CHD3: variants seen among roughly 807,000 people sequenced by gnomAD.
The protein encoded by CHD3 is ATP-dependent chromatin remodeler CHD3.
In CHD3, 52 loss-of-function variants were observed where a neutral mutation model predicts 248.9. The observed-to-expected ratio is 0.21, with a 90% CI of 0.17 to 0.26. The LOEUF (loss-of-function observed/expected upper bound fraction) is 0.26, where lower values mean the gene tolerates loss of function less well. Among genes scored for constraint, CHD3 ranks in the 10% least tolerant of loss-of-function variants. The pLI is 1.00. For synonymous variants in CHD3, 985 were observed against 985.2 expected (o/e 1.00, Z 0.00); for missense variants, 1,482 against 2,605.8 (o/e 0.57, Z 9.39).
At position 7,903,105 on chromosome 17, in the gene CHD3, G is replaced by A; in HGVS notation, c.3495+44G>A. The A allele has an allele frequency of 6.3e-7, 1 of 1,599,350 alleles. No individual in the cohort carries two copies. Among genetic ancestry groups the A allele is most frequent in the Non-Finnish European group, 8.6e-7 (1 of 1,169,292 alleles). ...GAACCCCTGCACCATTTAGCAAGGA[G>A]ATGTGGGTTCATGGAGGAGGGTGTC... On this transcript the variant is annotated intron_variant, in intron 22 of 39. Coordinates refer to ENST00000330494, the MANE Select transcript of CHD3 (RefSeq NM_001005273.3). The surrounding 1 kb of genome is among the most constrained non-coding windows in gnomAD (Gnocchi z 6.8).
Position 7,901,008 on chromosome 17 carries a change from C to A in CHD3, c.3120+15C>A. ...TGGCTGCTATGGTAGATACACAGAG[C>A]AGGGAGCTGATCGAACGCCCATTCT... is the stretch of plus-strand genomic sequence containing the variant. On this transcript the variant is annotated intron_variant, in intron 19 of 39. Transcript: ENST00000330494. The A allele has an allele frequency of 6.2e-7, 1 of 1,609,852 alleles. No homozygotes were observed. The highest frequency in any genetic ancestry group is 8.5e-7 in the Non-Finnish European group (1 of 1,177,168).
At position 7,907,081 on chromosome 17, in the gene CHD3, A is replaced by T; in HGVS notation, c.4667-45A>T. The T allele has an allele frequency of 1.9e-6, 3 of 1,613,922 alleles. No individual in the cohort carries two copies. Among genetic ancestry groups the T allele is most frequent in the South Asian group, 1.1e-5 (1 of 91,088 alleles). On this transcript the variant is annotated intron_variant, in intron 30 of 39. Coordinates refer to ENST00000330494, the MANE Select transcript of CHD3 (RefSeq NM_001005273.3). This position sits in a 1 kb window ranked among gnomAD's most constrained non-coding sequence, Gnocchi z 4.3. The stretch of plus-strand genomic sequence containing the variant: ...AGAGACAGAAAGGGAGCCAGGAGTC[A>T]GGGCGGGAGAATCTCTGTCTTTATC...
Position 7,909,077 on chromosome 17 carries a change from GC to G in CHD3, c.5395-59del, listed in dbSNP as rs912630235. Reference sequence around the variant, plus strand: ...GCAGGGTGGGTCTCTTGCTATGTCCGCCCCCCCAGCCCCTCACCCACTGCTG... The same window carrying G: ...GCAGGGTGGGTCTCTTGCTATGTCCGCCCCCCAGCCCCTCACCCACTGCTG... On this transcript the variant is annotated intron_variant, in intron 36 of 39. Transcript: ENST00000330494. The surrounding 1 kb of genome is among the most constrained non-coding windows in gnomAD (Gnocchi z 8.1). 1.4e-5 allele frequency: 22 copies of G among 1,539,442 alleles called. No individual in the cohort carries two copies. The highest frequency in any genetic ancestry group is 1.8e-5 in the Non-Finnish European group (20 of 1,139,904).
At position 7,906,993 on chromosome 17, in the gene CHD3, A is replaced by T; in HGVS notation, c.4628A>T (p.Glu1543Val). Residue 1543 changes from glutamate to valine, a missense_variant, in exon 30 of 40, where the codon GAG becomes GTG. Glu to Val is a moderately radical substitution (Grantham distance 121, BLOSUM62 -2). This residue lies in a region of CHD3 where 254 missense variants were observed against 266.7 expected (regional missense o/e 0.95). Transcript: ENST00000330494. This position sits in a 1 kb window ranked among gnomAD's most constrained non-coding sequence, Gnocchi z 5.0. ...SPTKTSPTTP[E>V]ASATNSPCTS... ...ACCAAAACGTCTCCCACCACTCCTG[A>T]GGCTTCTGCTACCAACAGTCCCTGC... is the stretch of plus-strand genomic sequence containing the variant. The T allele has an allele frequency of 1.2e-6, 2 of 1,614,132 alleles. No homozygotes were observed. The highest frequency in any genetic ancestry group is 2.2e-5 in the South Asian group (2 of 91,078).
chr17:7,910,910 G>A lies in CHD3; in HGVS notation c.5818G>A (p.Val1940Ile), dbSNP rs776712947. ...GYGAAFSAAPVGALAAAGANY... is the reference protein window; with the variant it reads ...GYGAAFSAAPIGALAAAGANY... ...CGGGGCGGCCTTCAGCGCCGCACCC[G>A]TAGGGGCCCTGGCCGCCGCAGGCGC... Residue 1940 changes from valine (V) to isoleucine (I), a missense_variant, in exon 39 of 40, where the codon GTA (valine) becomes ATA (isoleucine). By Grantham distance (29) the Val-to-Ile change is conservative. Coordinates refer to ENST00000330494, the MANE Select transcript of CHD3 (RefSeq NM_001005273.3). This position sits in a 1 kb window ranked among gnomAD's most constrained non-coding sequence, Gnocchi z 4.7. 36 of 1,613,530 alleles carry A rather than the reference G, an allele frequency of 2.2e-5. No homozygotes were observed. In the East Asian group the frequency reaches 5.1e-4, roughly 23 times the overall value.
At position 7,894,275 on chromosome 17, in the gene CHD3, G is replaced by A; in HGVS notation, c.1075+10G>A. 1 of 1,612,824 alleles carries A rather than the reference G, an allele frequency of 6.2e-7. No homozygotes were observed. Among genetic ancestry groups the A allele is most frequent in the Non-Finnish European group, 8.5e-7 (1 of 1,179,314 alleles). On this transcript the variant is annotated intron_variant, in intron 7 of 39. Coordinates refer to ENST00000330494, the MANE Select transcript of CHD3 (RefSeq NM_001005273.3). ...AGGAAGAAGAAGAAGGGTAAGGAGT[G>A]TTGACTGTGTGTGATCCTGTCAGTG...
rs551335813 is a variant in CHD3 at position 7,895,222 on chromosome 17, G to A, written c.1503+72G>A. 10 of 1,584,960 alleles carry A rather than the reference G, an allele frequency of 6.3e-6. No individual in the cohort carries two copies. The East Asian group carries it at 9.0e-5, about 14-fold the overall frequency. On this transcript the variant is annotated intron_variant, in intron 9 of 39. Coordinates refer to ENST00000330494, the MANE Select transcript of CHD3 (RefSeq NM_001005273.3). The surrounding 1 kb of genome is among the most constrained non-coding windows in gnomAD (Gnocchi z 4.9). ...CTTCCCCCATCCCTGGGGCCCACAT[G>A]TCCAGCTTTTCATTTCTCTGCACTC...
At chr17:7,896,797 T>TA (rs1969731824) in intron 10 of CHD3, among the ~76,000 whole-genome samples, 1 of 152,144 alleles carries the variant, frequency 6.6e-6, no homozygotes, top group South Asian at 2.1e-4. Context: ...TATCTGGGAT[T>TA]ACAGGCGTGC....
chr17:7,894,800 G>C, intron 8 of CHD3, 117 bp from the exon 9 acceptor site: 1 of 1,497,804 alleles, frequency 6.7e-7, no homozygotes, highest in Non-Finnish European at 9.0e-7. Flanking sequence ...CTTTTCCTTA[G>C]TTCCCACCAG....
Position 7,903,034 on chromosome 17 carries a change from T to A in CHD3, c.3468T>A (p.Ser1156=), listed in dbSNP as rs1235658460. The A allele has an allele frequency of 1.2e-6, 2 of 1,614,012 alleles. No individual in the cohort carries two copies. Among genetic ancestry groups the A allele is most frequent in the African/African-American group, 2.7e-5 (2 of 74,918 alleles). Residue 1156 remains serine (S), a synonymous_variant, in exon 22 of 40, where the codon TCT becomes TCA. Coordinates refer to ENST00000330494, the MANE Select transcript of CHD3 (RefSeq NM_001005273.3). The surrounding 1 kb of genome is among the most constrained non-coding windows in gnomAD (Gnocchi z 6.8). Reference sequence around the variant, plus strand: ...CTGACACTGTCATCATCTTTGATTCTGACTGGAACCCCCATAATGACATCC... The same window carrying A: ...CTGACACTGTCATCATCTTTGATTCAGACTGGAACCCCCATAATGACATCC... ...ATADTVIIFD[S]DWNPHNDIQA...
chr17:7,890,653 C>A lies in CHD3; in HGVS notation c.296C>A (p.Pro99Gln), dbSNP rs765578621. The A allele has an allele frequency of 6.2e-7, 1 of 1,603,842 alleles. No homozygotes were observed. Among genetic ancestry groups the A allele is most frequent in the African/African-American group, 1.4e-5 (1 of 72,118 alleles). ...GGGGGCAGTGAATATGGAACCGGAC[C>A]GGGTCGGAAACGAAGAAGGAAGCAC... ...ESGGSEYGTG[P>Q]GRKRRRKHRE... The change falls in exon 3 of 40, where the codon CCG (proline) becomes CAG (glutamine). Residue 99 changes from proline to glutamine, a missense_variant. Physicochemically the swap from Pro to Gln is moderately conservative, Grantham distance 76. Around this residue, in one of 20 missense-constraint regions of CHD3, gnomAD observed 169 missense variants for 168.1 expected, o/e 1.01. Coordinates refer to ENST00000330494, the MANE Select transcript of CHD3 (RefSeq NM_001005273.3).
chr17:7,903,124 G>A lies in CHD3; in HGVS notation c.3495+63G>A, dbSNP rs900894095. ...CAAGGAGATGTGGGTTCATGGAGGA[G>A]GGTGTCATGTTCCGGGGTCAGAAAT... On this transcript the variant is annotated intron_variant, in intron 22 of 39. Coordinates refer to ENST00000330494, the MANE Select transcript of CHD3 (RefSeq NM_001005273.3). The surrounding 1 kb of genome is among the most constrained non-coding windows in gnomAD (Gnocchi z 6.8). 1.1e-5 allele frequency: 17 copies of A among 1,590,220 alleles called. No individual in the cohort carries two copies. In the African/African-American group the frequency reaches 1.1e-4, roughly 10 times the overall value.
chr17:7,905,933 C>T lies in CHD3; in HGVS notation c.4302C>T (p.Ala1434=), dbSNP rs549772047. 8.1e-6 allele frequency: 13 copies of T among 1,614,058 alleles called. No homozygotes were observed. The South Asian group carries it at 1.3e-4, about 16-fold the overall frequency. The change falls in exon 28 of 40, where the codon GCC becomes GCT. Residue 1434 remains alanine (A), a synonymous_variant. Coordinates refer to ENST00000330494, the MANE Select transcript of CHD3 (RefSeq NM_001005273.3). This position sits in a 1 kb window ranked among gnomAD's most constrained non-coding sequence, Gnocchi z 5.8. ...VMRWGMPPQD[A]FTTQWLVRDL... ...GCTGGGGGATGCCACCACAGGATGCCTTCACCACACAGTGGCTGGTGCGGG... is the reference window on the plus strand; with the variant it reads ...GCTGGGGGATGCCACCACAGGATGCTTTCACCACACAGTGGCTGGTGCGGG...
chr17:7,894,709 T>G, intron 8 of CHD3, 101 bp downstream of exon 8: 1 of 1,375,076 alleles, frequency 7.3e-7, no homozygotes, highest in South Asian at 1.3e-5. Context: ...TGGCTGGACT[T>G]CTTAGTAACA....
In CHD3 at chr17:7,906,228, G is replaced by A; in HGVS notation, c.4358+239G>A. 3 of 769,304 alleles carry A rather than the reference G, an allele frequency of 3.9e-6. No homozygotes were observed. The highest frequency in any genetic ancestry group is 1.7e-5 in the Admixed American group (1 of 58,106). The allele number at this position is 769,304 out of a possible 1,614,324, so 47.7% of individuals were successfully genotyped here. A position where few individuals can be genotyped will look rare whatever the true frequency, so the allele number is the denominator to read the frequency against. ...CCCAGGGGAGGGGCGTTGAAGCAAG[G>A]AGCCTCTCCTGGGCTGTCCTAGCCT... On this transcript the variant is annotated intron_variant, in intron 28 of 39. Transcript: ENST00000330494. The surrounding 1 kb of genome is among the most constrained non-coding windows in gnomAD (Gnocchi z 5.0).
Position 7,893,832 on chromosome 17 carries a change from G to A in CHD3, c.821G>A (p.Ser274Asn), listed in dbSNP as rs754814641. Residue 274 changes from serine to asparagine, a missense_variant, in exon 6 of 40, where the codon AGC becomes AAC. Ser to Asn is a conservative substitution (Grantham distance 46, BLOSUM62 1). Coordinates refer to ENST00000330494, the MANE Select transcript of CHD3 (RefSeq NM_001005273.3). ...CCAGGCCATAAGAGGCGGAGTAAGAGCCCCCGAGTGCCTGATGGACGCAAG... is the reference window on the plus strand; with the variant it reads ...CCAGGCCATAAGAGGCGGAGTAAGAACCCCCGAGTGCCTGATGGACGCAAG... ...KGPGHKRRSKSPRVPDGRKKL... is the reference protein window; with the variant it reads ...KGPGHKRRSKNPRVPDGRKKL... 5 of 1,613,992 alleles carry A rather than the reference G, an allele frequency of 3.1e-6. No homozygotes were observed. The Admixed American group carries it at 5.0e-5, about 16-fold the overall frequency.
chr17:7,909,578 GC>G lies in CHD3; in HGVS notation c.5590+244del, dbSNP rs1299175584. 5.2e-6 allele frequency: 3 copies of G among 578,264 alleles called. No individual in the cohort carries two copies. The highest frequency in any genetic ancestry group is 3.4e-5 in the Admixed American group (1 of 29,844). The allele number at this position is 578,264 out of a possible 1,614,324, so 35.8% of individuals were successfully genotyped here. On this transcript the variant is annotated intron_variant, in intron 37 of 39. Coordinates refer to ENST00000330494, the MANE Select transcript of CHD3 (RefSeq NM_001005273.3). The surrounding 1 kb of genome is among the most constrained non-coding windows in gnomAD (Gnocchi z 8.1). ...ACATCCGTGCCCAATAGAGGGACCTGCCCCAGCCTCTGTGTCCCCTCCACAC... is the reference window on the plus strand; with the variant it reads ...ACATCCGTGCCCAATAGAGGGACCTGCCCAGCCTCTGTGTCCCCTCCACAC...
chr17:7,906,760 C>T lies in CHD3; in HGVS notation c.4503+63C>T, dbSNP rs920412765. ...TGCCTAGTCTCTGTCCTTCCTCTGC[C>T]TCTGTCCCTGAGTTGTAAGCTTGCG... is the stretch of plus-strand genomic sequence containing the variant. On this transcript the variant is annotated intron_variant, in intron 29 of 39. Transcript: ENST00000330494. This position sits in a 1 kb window ranked among gnomAD's most constrained non-coding sequence, Gnocchi z 5.0. The T allele has an allele frequency of 8.2e-6, 13 of 1,583,826 alleles. No homozygotes were observed. Among genetic ancestry groups the T allele is most frequent in the Non-Finnish European group, 1.0e-5 (12 of 1,163,648 alleles).
chr17:7,894,443 G>A lies in CHD3; in HGVS notation c.1104G>A (p.Glu368=). ...KVLGCPAVAG[E]EEVDGYETDH... ...TGGGCTGTCCTGCAGTGGCCGGGGA[G>A]GAGGAGGTTGATGGCTACGAGACGG... Residue 368 remains glutamate (E), a synonymous_variant, in exon 8 of 40, where the codon GAG becomes GAA. Coordinates refer to ENST00000330494, the MANE Select transcript of CHD3 (RefSeq NM_001005273.3). The A allele has an allele frequency of 2.5e-6, 4 of 1,613,958 alleles. No homozygotes were observed. The South Asian group carries it at 3.3e-5, about 13-fold the overall frequency.
Sources: gnomAD v4.1 joint callset for allele counts (sites outside exome capture counted in the v4.1 genomes callset) on GRCh38, gnomAD v4.1.1 for gene constraint, gnomAD v4.1.1 regional missense constraint, Gnocchi (gnomAD v3.1) non-coding constraint, MANE v1.5 for transcripts, NCBI Gene and HGNC (gene_info 2026-07-23, HGNC 2026-07-21) for gene names.